The following TEAD3 variants were observed in gnomAD, a reference collection of about 807,000 sequenced individuals.
The protein encoded by TEAD3 is transcriptional enhancer factor TEF-5.
A neutral mutation model predicts 55.6 loss-of-function variants in TEAD3; 15 were observed. The observed-to-expected ratio is 0.27, with a 90% CI of 0.18 to 0.42. The LOEUF (loss-of-function observed/expected upper bound fraction) is 0.42, where lower values mean the gene tolerates loss of function less well. TEAD3 is among the 10% of genes least tolerant of loss of function. The pLI, the probability that TEAD3 is intolerant of heterozygous loss-of-function variation, is 1.00. For missense variants in TEAD3, 407 were observed against 576.8 expected (o/e 0.71, Z 3.01); for synonymous variants, 210 against 232.2 (o/e 0.90, Z 0.87).
chr6:35,477,444 C>T, intron 7 of TEAD3, 72 bp from the exon 8 acceptor site: 1 of 1,476,388 alleles, frequency 6.8e-7, no homozygotes, highest in Non-Finnish European at 9.2e-7. Flanking sequence ...GCCCCTCTTC[C>T]AAGACCCCAG....
At chr6:35,476,585 C>A in intron 8 of TEAD3, 150 bp from the exon 9 acceptor site, 1 of 928,554 alleles carries the variant, frequency 1.1e-6, no homozygotes, top group Non-Finnish European at 1.6e-6. Flanking sequence ...AGTGTACAAC[C>A]TGCACAACCA....
At chr6:35,482,789 A>G (rs973178796) in intron 3 of TEAD3, among the ~76,000 whole-genome samples, 1 of 152,056 alleles carries the variant, frequency 6.6e-6, no homozygotes, top group African/African-American at 2.4e-5. Flanking sequence ...AAAAACAGTG[A>G]CCTAGTGACC....
At position 35,475,622 on chromosome 6, in the gene TEAD3, T is replaced by C; in HGVS notation, c.985A>G (p.Ile329Val). 1 of 1,613,642 alleles carries C rather than the reference T, an allele frequency of 6.2e-7. No homozygotes were observed. Among genetic ancestry groups the C allele is most frequent in the Non-Finnish European group, 8.5e-7 (1 of 1,179,646 alleles). ...GAGCACACCTTGGTGGAGACGCTGATGGTCATGCTATCAGCAGAGCTGTAC... is the reference window on the plus strand; with the variant it reads ...GAGCACACCTTGGTGGAGACGCTGACGGTCATGCTATCAGCAGAGCTGTAC... Residue 329 changes from isoleucine to valine, a missense_variant, in exon 11 of 13, where the codon ATC (isoleucine) becomes GTC (valine). Transcript: ENST00000639578. This position sits in a 1 kb window ranked among gnomAD's most constrained non-coding sequence, Gnocchi z 5.4.
chr6:35,490,222 C>T (rs926653029), intron 1 of TEAD3, among the ~76,000 whole-genome samples: 2 of 152,206 alleles, frequency 1.3e-5, no homozygotes, highest in South Asian at 2.1e-4. Context: ...AGCCCCGCCC[C>T]GCCCCCCGCG....
At position 35,486,816 on chromosome 6, in the gene TEAD3, C is replaced by CCA; in HGVS notation, c.-49-106_-49-105insTG. On this transcript the variant is annotated intron_variant, in intron 1 of 12. Coordinates refer to ENST00000639578, the Ensembl canonical transcript of TEAD3. The surrounding 1 kb of genome is among the most constrained non-coding windows in gnomAD (Gnocchi z 7.3). The stretch of plus-strand genomic sequence containing the variant: ...GGAGCTCCGCCCCCAGCCCCAAGCC[C>CCA]ACCCTAGGAGCAGGTGCTCCAGGTG... 1.3e-6 allele frequency: 1 copy of CCA among 763,912 alleles called. No individual in the cohort carries two copies. The highest frequency in any genetic ancestry group is 2.1e-6 in the Non-Finnish European group (1 of 484,122). 47.3% of individuals were successfully genotyped at this position (763,912 alleles called of 1,614,324 possible).
intron 1 of TEAD3, among the ~76,000 whole-genome samples, chr6:35,489,414 C>G (rs1768455998): frequency 6.6e-6 from 1 of 152,176 alleles, no homozygotes; most frequent in African/African-American, 2.4e-5. Flanking sequence ...GAGACCCCAC[C>G]ACCTGAGAGA....
In TEAD3 at chr6:35,496,427, G is replaced by C. The variant is rs1768655718; in HGVS notation, c.-50+471C>G. ...GCGCAGAAACCGGCCTGGGCGCTGG[G>C]AGGCCGGGCCCGAGGCCTGCGTGGA... On this transcript the variant is annotated intron_variant, in intron 1 of 12. Transcript: ENST00000639578. The surrounding 1 kb of genome is among the most constrained non-coding windows in gnomAD (Gnocchi z 4.8). Among the ~76,000 whole-genome samples the C allele has an allele frequency of 1.3e-5, 2 of 152,140 alleles. No homozygotes were observed. The highest frequency in any genetic ancestry group is 2.1e-4 in the South Asian group (1 of 4,834).
At position 35,486,633 on chromosome 6, in the gene TEAD3, G is replaced by A. The variant is rs1404523651; in HGVS notation, c.30C>T (p.Ser10=). 1 of 1,613,024 alleles carries A rather than the reference G, an allele frequency of 6.2e-7. No homozygotes were observed. The highest frequency in any genetic ancestry group is 8.5e-7 in the Non-Finnish European group (1 of 1,179,738). ...CATCCTCCCGGGCCTCCCCGGGGCT[G>A]CTGCTGGCGTTCCAGCTGTTGGACG... The change falls in exon 2 of 13, where the codon AGC becomes AGT. Residue 10 remains serine, a synonymous_variant. Coordinates refer to ENST00000639578, the Ensembl canonical transcript of TEAD3. This position sits in a 1 kb window ranked among gnomAD's most constrained non-coding sequence, Gnocchi z 7.3.
intron 1 of TEAD3, among the ~76,000 whole-genome samples, chr6:35,490,826 G>C (rs1316471655): frequency 6.6e-6 from 1 of 152,188 alleles, no homozygotes; most frequent in Non-Finnish European, 1.5e-5. Context: ...TGGGACTCTG[G>C]CTTGGTGGAG....
In TEAD3 at chr6:35,486,703, C is replaced by G. The variant is rs1433110717; in HGVS notation, c.-41G>C. On this transcript the variant is annotated 5_prime_UTR_variant, in exon 2 of 13. Coordinates refer to ENST00000639578, the Ensembl canonical transcript of TEAD3. This position sits in a 1 kb window ranked among gnomAD's most constrained non-coding sequence, Gnocchi z 7.3. ...GGGCTCTGGGCCTGAGCCCACTGGGCGGCTGAGCCTGGGGGACAGACAGAC... is the reference window on the plus strand; with the variant it reads ...GGGCTCTGGGCCTGAGCCCACTGGGGGGCTGAGCCTGGGGGACAGACAGAC... 6.3e-7 allele frequency: 1 copy of G among 1,596,434 alleles called. No homozygotes were observed. Among genetic ancestry groups the G allele is most frequent in the African/African-American group, 1.3e-5 (1 of 74,698 alleles).
Position 35,480,251 on chromosome 6 carries a change from G to A in TEAD3, c.268-129C>T. 4 of 1,585,232 alleles carry A rather than the reference G, an allele frequency of 2.5e-6. 1 individual carries two copies. The South Asian group carries it at 4.6e-5, about 18-fold the overall frequency. On this transcript the variant is annotated intron_variant, in intron 3 of 12. Coordinates refer to ENST00000639578, the Ensembl canonical transcript of TEAD3. ...CAAGGAAAGGCCTGAGCTATGCAGA[G>A]ATAGCGCCGTGGGTGAGGGGCCCAG... is the stretch of plus-strand genomic sequence containing the variant.
At chr6:35,479,204 C>T (rs937526292) in intron 5 of TEAD3, 101 bp downstream of exon 5, 7 of 1,480,588 alleles carry the variant, frequency 4.7e-6, no homozygotes, top group Non-Finnish European at 6.6e-6. Context: ...ATGAGGCTTG[C>T]ACACCTATTA....
chr6:35,486,616 C>T lies in TEAD3; in HGVS notation c.47G>A (p.Arg16Gln), dbSNP rs760302459. The T allele has an allele frequency of 2.5e-6, 4 of 1,613,054 alleles. No homozygotes were observed. The highest frequency in any genetic ancestry group is 3.4e-6 in the Non-Finnish European group (4 of 1,179,774). Residue 16 changes from arginine (R) to glutamine (Q), a missense_variant, in exon 2 of 13, where the codon CGG (arginine) becomes CAG (glutamine). Transcript: ENST00000639578. This position sits in a 1 kb window ranked among gnomAD's most constrained non-coding sequence, Gnocchi z 7.3. ...GTCCAGGCCCTCGGGCCCATCCTCC[C>T]GGGCCTCCCCGGGGCTGCTGCTGGC... is the stretch of plus-strand genomic sequence containing the variant.
At position 35,475,090 on chromosome 6, in the gene TEAD3, C is replaced by G; in HGVS notation, c.1262G>C (p.Ser421Thr). Residue 421 changes from serine to threonine, a missense_variant, in exon 13 of 13, where the codon AGT becomes ACT. By Grantham distance (58) the Ser-to-Thr change is moderately conservative. Transcript: ENST00000639578. This position sits in a 1 kb window ranked among gnomAD's most constrained non-coding sequence, Gnocchi z 5.4. The stretch of plus-strand genomic sequence containing the variant: ...GACATGGTGCTGGGCCCCGTGCTCA[C>G]TGGTGGAGACTTCGAAGACAAAAGC... 6.3e-7 allele frequency: 1 copy of G among 1,599,020 alleles called. No homozygotes were observed. The highest frequency in any genetic ancestry group is 8.5e-7 in the Non-Finnish European group (1 of 1,172,448).
Position 35,475,354 on chromosome 6 carries a change from C to T in TEAD3, c.1176G>A (p.Glu392=). Reference sequence around the variant, plus strand: ...CCCATACCTGCAGGATGGTGAAGTTCTCCAGCACGCTGTTCATCATGTACT... The same window carrying T: ...CCCATACCTGCAGGATGGTGAAGTTTTCCAGCACGCTGTTCATCATGTACT... Residue 392 remains glutamate (E), a synonymous_variant, in exon 12 of 13, where the codon GAG becomes GAA. Coordinates refer to ENST00000639578, the Ensembl canonical transcript of TEAD3. The surrounding 1 kb of genome is among the most constrained non-coding windows in gnomAD (Gnocchi z 5.4). 1 of 1,613,948 alleles carries T rather than the reference C, an allele frequency of 6.2e-7. No homozygotes were observed. Among genetic ancestry groups the T allele is most frequent in the Non-Finnish European group, 8.5e-7 (1 of 1,179,878 alleles).
In TEAD3 at chr6:35,478,733, G is replaced by A. The variant is rs1039071483; in HGVS notation, c.343-162C>T. On this transcript the variant is annotated intron_variant, in intron 5 of 12. Transcript: ENST00000639578. ...GCCCCAGCTCTGCTGTGTGATCTTG[G>A]GAGAGTCTCTGCACCTTCCTGGTCT... 8 of 1,001,206 alleles carry A rather than the reference G, an allele frequency of 8.0e-6. No individual in the cohort carries two copies. The Admixed American group carries it at 1.7e-4, about 21-fold the overall frequency. The allele number at this position is 1,001,206 out of a possible 1,614,324, so 62.0% of individuals were successfully genotyped here. A position where few individuals can be genotyped will look rare whatever the true frequency, so the allele number is the denominator to read the frequency against.
chr6:35,477,324 C>T (rs750692343), exon 8 of TEAD3: 31 of 1,606,934 alleles, frequency 1.9e-5, no homozygotes, highest in African/African-American at 4.0e-5. Context: ...TGAGCGTCGG[C>T]GGCAGGGGCG....
At chr6:35,474,949 A>T in exon 13 of TEAD3, 1 of 1,052,324 alleles carries the variant, frequency 9.5e-7, no homozygotes, top group Non-Finnish European at 1.4e-6. Context: ...CCTGGCAGGT[A>T]GATGAATCCT....
chr6:35,482,777 A>C (rs1768289872), intron 3 of TEAD3, among the ~76,000 whole-genome samples: 1 of 152,108 alleles, frequency 6.6e-6, no homozygotes, highest in Non-Finnish European at 1.5e-5. Flanking sequence ...AAAAACCAAC[A>C]AAAAAACAGT....
Sources: gnomAD v4.1 joint callset for allele counts (sites outside exome capture counted in the v4.1 genomes callset) on GRCh38, gnomAD v4.1.1 for gene constraint, Gnocchi (gnomAD v3.1) non-coding constraint, MANE v1.5 for transcripts, NCBI Gene and HGNC (gene_info 2026-07-23, HGNC 2026-07-21) for gene names.